Variants in FSTL5 observed in about 807,000 individuals in gnomAD.
The protein encoded by FSTL5 is follistatin like 5, also known as follistatin-related protein 5.
Under a neutral mutation model 89.1 loss-of-function variants are expected in FSTL5, and 62 were observed. The ratio of observed to expected loss-of-function variants is 0.70; its 90% confidence interval spans 0.57 to 0.86. The LOEUF (loss-of-function observed/expected upper bound fraction) is 0.86. Ranked by LOEUF, FSTL5 falls within the 40% of genes least tolerant of loss-of-function variation. The probability of loss-of-function intolerance (pLI) is 0.00; values close to 1 mark genes in which losing one functional copy is unlikely to be tolerated. For synonymous variants in FSTL5, 383 were observed against 346.2 expected, an observed-to-expected ratio of 1.11 and a Z score of -1.18; for missense variants, 1,057 against 1,001.6, an observed-to-expected ratio of 1.06 and a Z score of -0.75.
chr4:161,659,446 T>C (rs1045156499), intron 6 of FSTL5, among the ~76,000 whole-genome samples: 3 of 152,192 alleles, frequency 2.0e-5, no homozygotes, highest in African/African-American at 7.2e-5. Context: ...CATCTTTATT[T>C]GTCTTGTGAT....
intron 8 of FSTL5, among the ~76,000 whole-genome samples, chr4:161,586,926 T>C (rs2091220286): frequency 6.6e-6 from 1 of 152,222 alleles, no homozygotes; most frequent in Admixed American, 6.5e-5. Context: ...GTCATATGTG[T>C]AATCCTGTAT....
chr4:161,559,810 A>G (rs951734431), intron 8 of FSTL5, among the ~76,000 whole-genome samples: 4 of 151,924 alleles, frequency 2.6e-5, no homozygotes, highest in African/African-American at 9.7e-5. Flanking sequence ...CACCATGGGA[A>G]GCTCATTCTG....
chr4:161,530,900 G>A (rs1214527788), intron 10 of FSTL5, among the ~76,000 whole-genome samples: 1 of 152,098 alleles, frequency 6.6e-6, no homozygotes, highest in East Asian at 1.9e-4. Context: ...GAATGAAAAT[G>A]TGTCAAGTGC....
At chr4:161,817,899 A>C (rs377363034) in intron 4 of FSTL5, among the ~76,000 whole-genome samples, 15 of 151,930 alleles carry the variant, frequency 9.9e-5, no homozygotes, top group African/African-American at 3.6e-4. Context: ...ATGATACTGG[A>C]GTTGGGAGGG....
intron 7 of FSTL5, among the ~76,000 whole-genome samples, chr4:161,630,030 C>G (rs1313369514): frequency 6.6e-6 from 1 of 152,178 alleles, no homozygotes; most frequent in Non-Finnish European, 1.5e-5. Flanking sequence ...CAGCCGAGGC[C>G]TCTTAATGGG....
At chr4:162,073,238 T>C (rs1729699310) in intron 2 of FSTL5, among the ~76,000 whole-genome samples, 1 of 151,698 alleles carries the variant, frequency 6.6e-6, no homozygotes. Flanking sequence ...TTTAATACTA[T>C]CATGTGTATG....
intron 7 of FSTL5, among the ~76,000 whole-genome samples, chr4:161,590,583 T>C (rs1000534401): frequency 6.6e-6 from 1 of 151,944 alleles, no homozygotes; most frequent in African/African-American, 2.4e-5. Flanking sequence ...AAATAATGGG[T>C]AGAGGATTCA....
At chr4:161,702,006 G>A (rs1738408002) in intron 6 of FSTL5, among the ~76,000 whole-genome samples, 1 of 151,746 alleles carries the variant, frequency 6.6e-6, no homozygotes, top group South Asian at 2.1e-4. Flanking sequence ...ATCTTATTAT[G>A]TACTTATTTA....
intron 4 of FSTL5, among the ~76,000 whole-genome samples, chr4:161,830,733 C>G (rs1730817849): frequency 6.6e-6 from 1 of 151,908 alleles, no homozygotes; most frequent in African/African-American, 2.4e-5. Context: ...AAACAGACAT[C>G]ATGAACCCCA....
chr4:161,839,157 A>T (rs1348032131), intron 4 of FSTL5, among the ~76,000 whole-genome samples: 1 of 152,092 alleles, frequency 6.6e-6, no homozygotes, highest in East Asian at 1.9e-4. Context: ...AGAAGTAAAA[A>T]TGAAAAAAGA....
At chr4:161,806,838 C>T (rs1036335777) in intron 4 of FSTL5, among the ~76,000 whole-genome samples, 4 of 151,798 alleles carry the variant, frequency 2.6e-5, no homozygotes, top group African/African-American at 9.7e-5. Context: ...ACAGGTAATA[C>T]AGAGATAGGT....
chr4:161,446,943 G>A (rs933557367), intron 15 of FSTL5, among the ~76,000 whole-genome samples: 4 of 151,902 alleles, frequency 2.6e-5, no homozygotes, highest in African/African-American at 4.8e-5. Context: ...AGAATCATAT[G>A]TAAGACAGAA....
intron 6 of FSTL5, among the ~76,000 whole-genome samples, chr4:161,694,525 T>C (rs1738068952): frequency 6.6e-6 from 1 of 152,110 alleles, no homozygotes; most frequent in Non-Finnish European, 1.5e-5. Flanking sequence ...TCATTATTTA[T>C]ATATCCATAG....
rs555769445 is a variant in FSTL5, at chr4:161,594,846, A to G, written c.895-7271T>C. ...TAATAAATATTTATTGAGCATGTAA[A>G]TATGTCGAGTGCTATGCCGAACAAT... On this transcript the variant is annotated intron_variant, in intron 7 of 15. Coordinates refer to ENST00000306100, the MANE Select transcript of FSTL5 (RefSeq NM_020116.5). Among the ~76,000 whole-genome samples, 39 of 152,084 alleles carry G rather than the reference A, an allele frequency of 2.6e-4. 1 individual carries two copies. In the East Asian group the frequency reaches 6.9e-3, roughly 27 times the overall value.
intron 4 of FSTL5, among the ~76,000 whole-genome samples, chr4:161,839,847 G>A (rs1170741853): frequency 1.3e-5 from 2 of 152,084 alleles, no homozygotes; most frequent in African/African-American, 4.8e-5. Context: ...TCTAGTGTAT[G>A]TTTCATTGTT....
At chr4:161,945,299 A>T (rs1734704066) in intron 3 of FSTL5, among the ~76,000 whole-genome samples, 1 of 152,204 alleles carries the variant, frequency 6.6e-6, no homozygotes, top group Non-Finnish European at 1.5e-5. Flanking sequence ...GTTTTGTGAA[A>T]ACATGTGTTA....
Position 161,862,082 on chromosome 4 carries a change from T to C in FSTL5, c.409+58322A>G, listed in dbSNP as rs1731934966. 2.6e-5 allele frequency among the ~76,000 whole-genome samples: 4 copies of C among 152,294 alleles called. No individual in the cohort carries two copies. In the South Asian group the frequency reaches 8.3e-4, roughly 32 times the overall value. On this transcript the variant is annotated intron_variant, in intron 4 of 15. Coordinates refer to ENST00000306100, the MANE Select transcript of FSTL5 (RefSeq NM_020116.5). ...CAAATACTTGCAATTTAATAAACCG[T>C]AGAAAAACATTTTTAAAACTCTGTA...
intron 2 of FSTL5, among the ~76,000 whole-genome samples, chr4:162,051,471 T>TA (rs888339028): frequency 1.3e-5 from 2 of 150,870 alleles, no homozygotes; most frequent in East Asian, 1.9e-4. Context: ...ATTTGAAATA[T>TA]AAAAAAAATA....
chr4:161,439,982 G>A (rs1057032015), intron 15 of FSTL5, among the ~76,000 whole-genome samples: 16 of 152,198 alleles, frequency 1.1e-4, no homozygotes, highest in Middle Eastern at 6.8e-3. Context: ...TGAGAATAGA[G>A]TATTGCCATA....
Sources: gnomAD v4.1 joint callset for allele counts (sites outside exome capture counted in the v4.1 genomes callset) on GRCh38, gnomAD v4.1.1 for gene constraint, MANE v1.5 for transcripts, NCBI Gene and HGNC (gene_info 2026-07-23, HGNC 2026-07-21) for gene names.